Variants in CLIC5 observed in about 807,000 individuals in gnomAD.
The protein encoded by CLIC5 is CLIC family member 5, also known as chloride intracellular channel protein 5.
In CLIC5, 20 loss-of-function variants were observed where a neutral mutation model predicts 24.7. That is an observed-to-expected ratio of 0.81 (90% CI 0.57 to 1.18). CLIC5 has a LOEUF of 1.18. Among genes scored for constraint, CLIC5 ranks in the 50% most tolerant of loss-of-function variants. The pLI is 0.00. For synonymous variants in CLIC5, 159 were observed against 135.6 expected (o/e 1.17, Z -1.20); for missense variants, 341 against 326.1 (o/e 1.05, Z -0.35).
rs1216403808 is a variant in CLIC5, at chr6:45,903,000, G to A, written c.*88C>T. 7.0e-7 allele frequency: 1 copy of A among 1,429,584 alleles called. No individual in the cohort carries two copies. Among genetic ancestry groups the A allele is most frequent in the African/African-American group, 1.4e-5 (1 of 70,622 alleles). 88.6% of individuals were successfully genotyped at this position (1,429,584 alleles called of 1,614,324 possible). On this transcript the variant is annotated 3_prime_UTR_variant, in exon 6 of 6. Transcript: ENST00000339561. ...CTTGATTATAAAAAGTGCGCCTCAA[G>A]GCAGTGATACAGAGGAGTCTATGAA...
At chr6:46,058,427 T>C (rs1053824891) in intron 1 of CLIC5, among the ~76,000 whole-genome samples, 7 of 152,232 alleles carry the variant, frequency 4.6e-5, no homozygotes, top group African/African-American at 1.7e-4. Context: ...CCTCCAAGGC[T>C]AAAGAGTTAG....
chr6:45,958,443 T>TACACACACACACACACAC (rs1283521914), intron 1 of CLIC5, among the ~76,000 whole-genome samples: 6,193 of 55,552 alleles, frequency 0.11, 914 homozygotes, highest in East Asian at 0.19. Context: ...TATATATATA[T>TACACACACACACACACAC]ATATATATAT....
chr6:45,947,556 C>A (rs1397034737), intron 3 of CLIC5, among the ~76,000 whole-genome samples: 1 of 152,104 alleles, frequency 6.6e-6, no homozygotes, highest in African/African-American at 2.4e-5. Flanking sequence ...TCCTAATGAT[C>A]ATGACGGAAG....
At chr6:45,989,077 T>C (rs535034631) in intron 1 of CLIC5, among the ~76,000 whole-genome samples, 23 of 152,366 alleles carry the variant, frequency 1.5e-4, no homozygotes, top group African/African-American at 5.5e-4. Context: ...TGCAGGATTC[T>C]GTCTGCCTTT....
chr6:46,020,415 G>T (rs926291785), upstream of CLIC5, among the ~76,000 whole-genome samples: 17 of 152,040 alleles, frequency 1.1e-4, no homozygotes, highest in Non-Finnish European at 1.8e-4. Flanking sequence ...TTTGTGAGAT[G>T]CAGCTAAAGC....
In CLIC5 at chr6:45,900,200, C is replaced by T. The variant is rs1010255953; in HGVS notation, c.*2888G>A. Reference sequence around the variant, plus strand: ...TTGCTTCTGCCTTCGTCTCCCACTACCCTGCTTCCCCCACCCCCAATAGTG... The same window carrying T: ...TTGCTTCTGCCTTCGTCTCCCACTATCCTGCTTCCCCCACCCCCAATAGTG... On this transcript the variant is annotated 3_prime_UTR_variant, in exon 6 of 6. Coordinates refer to ENST00000339561, the MANE Select transcript of CLIC5 (RefSeq NM_016929.5). 3 of 152,130 alleles carry T rather than the reference C, an allele frequency of 2.0e-5. No individual in the cohort carries two copies. The highest frequency in any genetic ancestry group is 7.2e-5 in the African/African-American group (3 of 41,412). 9.4% of individuals were successfully genotyped at this position (152,130 alleles called of 1,614,324 possible).
Position 45,954,892 on chromosome 6 carries a change from A to C in CLIC5, c.173+243T>G, listed in dbSNP as rs372628877. Among the ~76,000 whole-genome samples the C allele has an allele frequency of 2.6e-5, 4 of 152,202 alleles. No homozygotes were observed. In the East Asian group the frequency reaches 7.7e-4, roughly 29 times the overall value. Reference sequence around the variant, plus strand: ...AAACTTAGTTGCAATGCCATTGTCCATTCCTTGCTTCTTCTTTGCTAATCG... The same window carrying C: ...AAACTTAGTTGCAATGCCATTGTCCCTTCCTTGCTTCTTCTTTGCTAATCG... On this transcript the variant is annotated intron_variant, in intron 2 of 5. Coordinates refer to ENST00000339561, the MANE Select transcript of CLIC5 (RefSeq NM_016929.5).
At chr6:45,988,479 ACTATCTGGGCCTC>A (rs1210041662) in intron 1 of CLIC5, among the ~76,000 whole-genome samples, 2 of 152,174 alleles carry the variant, frequency 1.3e-5, no homozygotes, top group Non-Finnish European at 2.9e-5. Context: ...TGTTTGATCA[ACTATCTGGGCCTC>A]CTATGGCCCA....
chr6:45,936,273 C>A (rs992555300), intron 4 of CLIC5, among the ~76,000 whole-genome samples: 2 of 140,272 alleles, frequency 1.4e-5, no homozygotes, highest in African/African-American at 5.4e-5. Context: ...GACGTGATCT[C>A]GGCTCACTGC....
At chr6:45,985,128 G>C (rs115033635) in intron 1 of CLIC5, among the ~76,000 whole-genome samples, 2,417 of 152,272 alleles carry the variant, frequency 0.016, 78 homozygotes, top group African/African-American at 0.056. Flanking sequence ...CCTGGCAAAG[G>C]GGGTAAGGAA....
rs192479279 is a variant in CLIC5, at chr6:45,903,221, G to A, written c.623C>T (p.Pro208Leu). 19 of 1,608,406 alleles carry A rather than the reference G, an allele frequency of 1.2e-5. No individual in the cohort carries two copies. Among genetic ancestry groups the A allele is most frequent in the Middle Eastern group, 1.7e-4 (1 of 6,018 alleles). ...CCGCCACAGGCCTGTCATCTCAGCC[G>A]GGATATCATAGTTGCGGTATTTCTT... ...VAKKYRNYDIPAEMTGLWRYL... is the reference protein window; with the variant it reads ...VAKKYRNYDILAEMTGLWRYL... Residue 208 changes from proline to leucine, a missense_variant, in exon 6 of 6, where the codon CCG becomes CTG. Pro to Leu is a moderately conservative substitution (Grantham distance 98). Coordinates refer to ENST00000339561, the MANE Select transcript of CLIC5 (RefSeq NM_016929.5).
chr6:45,991,941 A>G (rs991080865), intron 1 of CLIC5, among the ~76,000 whole-genome samples: 1 of 152,218 alleles, frequency 6.6e-6, no homozygotes, highest in African/African-American at 2.4e-5. Flanking sequence ...TGTGCATACC[A>G]TCTACTTCCT....
At chr6:46,078,376 A>G (rs1376836871) in intron 1 of CLIC5, among the ~76,000 whole-genome samples, 2 of 152,126 alleles carry the variant, frequency 1.3e-5, no homozygotes, top group Non-Finnish European at 2.9e-5. Context: ...GAAAAAAAAA[A>G]AAGTTTGTTT....
chr6:46,121,486 T>C, the CLIC5 span, among the ~76,000 whole-genome samples: 1 of 152,126 alleles, frequency 6.6e-6, no homozygotes, highest in Non-Finnish European at 1.5e-5. Context: ...CATGCCAAAT[T>C]TTAAAGCCCA....
chr6:45,961,347 T>G lies in CLIC5; in HGVS notation c.64-6103A>C, dbSNP rs539235229. Among the ~76,000 whole-genome samples the G allele has an allele frequency of 2.6e-5, 4 of 152,348 alleles. No individual in the cohort carries two copies. In the East Asian group the frequency reaches 7.7e-4, roughly 29 times the overall value. On this transcript the variant is annotated intron_variant, in intron 1 of 5. Coordinates refer to ENST00000339561, the MANE Select transcript of CLIC5 (RefSeq NM_016929.5). Reference sequence around the variant, plus strand: ...CTCAGGAATGCTATACTCCAGTTCTTTCTTTTTACTGGTAGAGAAATAGAC... The same window carrying G: ...CTCAGGAATGCTATACTCCAGTTCTGTCTTTTTACTGGTAGAGAAATAGAC...
chr6:45,977,252 AT>A (rs1765415221), intron 1 of CLIC5, among the ~76,000 whole-genome samples: 1 of 152,102 alleles, frequency 6.6e-6, no homozygotes. Context: ...TCAGGTGTTT[AT>A]AGTGAAACAT....
chr6:46,025,617 G>T (rs1767308063), intron 1 of CLIC5, among the ~76,000 whole-genome samples: 1 of 152,194 alleles, frequency 6.6e-6, no homozygotes, highest in Non-Finnish European at 1.5e-5. Context: ...GCCTGGAAAT[G>T]AAGGCTGAAG....
chr6:45,989,977 G>A (rs1328054601), intron 1 of CLIC5, among the ~76,000 whole-genome samples: 3 of 152,116 alleles, frequency 2.0e-5, no homozygotes. Context: ...GGGAAGTGTA[G>A]AATAGGAGCT....
At chr6:45,911,804 T>A (rs1004663692) in intron 5 of CLIC5, 63 of 985,372 alleles carry the variant, frequency 6.4e-5, no homozygotes, top group Non-Finnish European at 7.5e-5. Flanking sequence ...AGGAAAGGCC[T>A]GCAGATGCCT....
Sources: gnomAD v4.1 joint callset for allele counts (sites outside exome capture counted in the v4.1 genomes callset) on GRCh38, gnomAD v4.1.1 for gene constraint, MANE v1.5 for transcripts, NCBI Gene and HGNC (gene_info 2026-07-23, HGNC 2026-07-21) for gene names.